The following RAP2A variants were observed in gnomAD, a reference collection of about 807,000 sequenced individuals.
RAP2A encodes RAP2A, member of RAS oncogene family.
A neutral mutation model predicts 15.1 loss-of-function variants in RAP2A; 5 were observed. The ratio of observed to expected loss-of-function variants is 0.33; its 90% CI spans 0.17 to 0.70. RAP2A has a LOEUF of 0.70. Among genes scored for constraint, RAP2A ranks in the 30% least tolerant of loss-of-function variants. The pLI is 0.68. For synonymous variants in RAP2A, 110 were observed against 99.7 expected (o/e 1.10, Z -0.62); for missense variants, 111 against 240.3 (o/e 0.46, Z 3.56).
chr13:97,445,078 T>C (rs1008712139), intron 1 of RAP2A, among the ~76,000 whole-genome samples: 23 of 152,322 alleles, frequency 1.5e-4, no homozygotes, highest in Admixed American at 1.5e-3. Flanking sequence ...ATCCCATTCA[T>C]GAGGGTGGAG....
intron 1 of RAP2A, among the ~76,000 whole-genome samples, chr13:97,439,271 T>C (rs1313903151): frequency 1.3e-5 from 2 of 152,182 alleles, no homozygotes; most frequent in African/African-American, 4.8e-5. Context: ...TATAGCAATA[T>C]GTAGTGATAT....
chr13:97,452,645 C>CT, intron 1 of RAP2A, among the ~76,000 whole-genome samples: 1 of 102,572 alleles, frequency 9.7e-6, no homozygotes, highest in Middle Eastern at 5.7e-3. Flanking sequence ...CACACACACA[C>CT]ACACGCACAC....
At chr13:97,446,426 TCA>T (rs756271834) in intron 1 of RAP2A, among the ~76,000 whole-genome samples, 1 of 152,200 alleles carries the variant, frequency 6.6e-6, no homozygotes, top group Non-Finnish European at 1.5e-5. Context: ...GAAATGTTGC[TCA>T]GTTTTGAAAG....
intron 1 of RAP2A, among the ~76,000 whole-genome samples, chr13:97,447,173 C>T (rs559720626): frequency 2.6e-5 from 4 of 152,242 alleles, no homozygotes; most frequent in Middle Eastern, 3.4e-3. Context: ...TTGATCTACC[C>T]GATGTCATTT....
intron 1 of RAP2A, among the ~76,000 whole-genome samples, chr13:97,450,705 T>A (rs2066698791): frequency 6.6e-6 from 1 of 152,148 alleles, no homozygotes; most frequent in African/African-American, 2.4e-5. Context: ...GTTTTTTACA[T>A]TTGGTTTCTA....
chr13:97,434,680 G>A lies in RAP2A; in HGVS notation c.210G>A (p.Leu70=), dbSNP rs2066625048. The A allele has an allele frequency of 1.9e-6, 3 of 1,614,156 alleles. No homozygotes were observed. The East Asian group carries it at 6.7e-5, about 36-fold the overall frequency. The change falls in exon 1 of 2, where the codon CTG becomes CTA. Residue 70 remains leucine, a synonymous_variant. Transcript: ENST00000245304. ...AGCAGTTCGCGTCCATGCGGGACCT[G>A]TACATCAAGAACGGCCAGGGCTTCA... is the stretch of plus-strand genomic sequence containing the variant. ...GTEQFASMRD[L]YIKNGQGFIL...
rs892867348 is a variant in RAP2A at position 97,464,728 on chromosome 13, G to T, written c.*286G>T. The T allele has an allele frequency of 2.7e-6, 1 of 376,652 alleles. No homozygotes were observed. Among genetic ancestry groups the T allele is most frequent in the Non-Finnish European group, 4.8e-6 (1 of 209,072 alleles). The allele number at this position is 376,652 out of a possible 1,614,324, so 23.3% of individuals were successfully genotyped here. A position where few individuals can be genotyped will look rare whatever the true frequency, so the allele number is the denominator to read the frequency against. On this transcript the variant is annotated 3_prime_UTR_variant, in exon 2 of 2. Transcript: ENST00000245304. ...CTCATTTGAAAGCTATGATGGCATT[G>T]TCGCTGAGTTGACAGAAGCAACTAT...
Position 97,442,874 on chromosome 13 carries a change from T to C in RAP2A, c.314+8090T>C, listed in dbSNP as rs191816702. 6.6e-5 allele frequency among the ~76,000 whole-genome samples: 10 copies of C among 152,340 alleles called. No individual in the cohort carries two copies. The East Asian group carries it at 1.7e-3, about 26-fold the overall frequency. Reference sequence around the variant, plus strand: ...ATACTACCTGTAATTCAGAGAAAGATAGCATTTAGTCACTGAACAAAAAGA... The same window carrying C: ...ATACTACCTGTAATTCAGAGAAAGACAGCATTTAGTCACTGAACAAAAAGA... On this transcript the variant is annotated intron_variant, in intron 1 of 1. Transcript: ENST00000245304.
Position 97,468,446 on chromosome 13 carries a change from A to G in RAP2A, c.*4004A>G, listed in dbSNP as rs925488231. The G allele has an allele frequency of 2.6e-5, 4 of 152,192 alleles. No homozygotes were observed. The highest frequency in any genetic ancestry group is 4.8e-5 in the African/African-American group (2 of 41,446). The allele number at this position is 152,192 out of a possible 1,614,324, so 9.4% of individuals were successfully genotyped here. ...AGGCTGTAGGGCCTGCTTGTTCTAT[A>G]TGGGGCCCTATGAAAGTTGACAGAT... is the stretch of plus-strand genomic sequence containing the variant. On this transcript the variant is annotated 3_prime_UTR_variant, in exon 2 of 2. Coordinates refer to ENST00000245304, the MANE Select transcript of RAP2A (RefSeq NM_021033.7).
rs1322828871 is a variant in RAP2A, at chr13:97,455,049, C to T, written c.315-9156C>T. 2.6e-5 allele frequency among the ~76,000 whole-genome samples: 4 copies of T among 150,978 alleles called. No individual in the cohort carries two copies. The East Asian group carries it at 7.7e-4, about 29-fold the overall frequency. ...GCTGCTTTCAAGATTTTATCTTTGT[C>T]TGTAGTTTCAAATGATTTGATTATA... On this transcript the variant is annotated intron_variant, in intron 1 of 1. Transcript: ENST00000245304.
At chr13:97,438,090 A>G (rs1335203467) in intron 1 of RAP2A, among the ~76,000 whole-genome samples, 1 of 152,228 alleles carries the variant, frequency 6.6e-6, no homozygotes, top group African/African-American at 2.4e-5. Context: ...CACACAAAGA[A>G]GAGTAACAGG....
At position 97,467,557 on chromosome 13, in the gene RAP2A, T is replaced by G. The variant is rs2066777542; in HGVS notation, c.*3115T>G. ...ATATGAAAGTGCTTTGTTTTGTTTG[T>G]TGCTGTTTTTTGTTTATGTGTGTGT... is the stretch of plus-strand genomic sequence containing the variant. On this transcript the variant is annotated 3_prime_UTR_variant, in exon 2 of 2. Transcript: ENST00000245304. 1 of 152,590 alleles carries G rather than the reference T, an allele frequency of 6.6e-6. No homozygotes were observed. Among genetic ancestry groups the G allele is most frequent in the Non-Finnish European group, 1.5e-5 (1 of 68,036 alleles). The allele number at this position is 152,590 out of a possible 1,614,324, so 9.5% of individuals were successfully genotyped here.
intron 1 of RAP2A, among the ~76,000 whole-genome samples, chr13:97,461,274 C>T (rs2066745030): frequency 1.3e-5 from 2 of 152,138 alleles, no homozygotes; most frequent in African/African-American, 2.4e-5. Flanking sequence ...AATTTATCAC[C>T]GTCTGGTATT....
chr13:97,454,289 T>C (rs2066713887), intron 1 of RAP2A, among the ~76,000 whole-genome samples: 1 of 151,258 alleles, frequency 6.6e-6, no homozygotes, highest in African/African-American at 2.4e-5. Flanking sequence ...TTTTTATTCA[T>C]GTGTTTAAAC....
Position 97,464,298 on chromosome 13 carries a change from A to G in RAP2A, c.408A>G (p.Glu136=), listed in dbSNP as rs752107994. ...VSSSEGRALA[E]EWGCPFMETS... Reference sequence around the variant, plus strand: ...CCAGCGAAGGCAGAGCCCTTGCTGAAGAGTGGGGCTGCCCCTTTATGGAAA... The same window carrying G: ...CCAGCGAAGGCAGAGCCCTTGCTGAGGAGTGGGGCTGCCCCTTTATGGAAA... The change falls in exon 2 of 2, where the codon GAA becomes GAG. Residue 136 remains glutamate (E), a synonymous_variant. Transcript: ENST00000245304. 5.6e-6 allele frequency: 9 copies of G among 1,614,234 alleles called. No homozygotes were observed. Among genetic ancestry groups the G allele is most frequent in the Middle Eastern group, 3.3e-4 (2 of 6,062 alleles).
chr13:97,435,757 A>G (rs1263786031), intron 1 of RAP2A, among the ~76,000 whole-genome samples: 1 of 152,180 alleles, frequency 6.6e-6, no homozygotes. Context: ...AAATTTTTCT[A>G]ATTATCATTT....
Position 97,455,973 on chromosome 13 carries a change from T to C in RAP2A, c.315-8232T>C, listed in dbSNP as rs74105472. On this transcript the variant is annotated intron_variant, in intron 1 of 1. Transcript: ENST00000245304. ...GGGAAGAGAAAAAGAGGAGGAAGTA[T>C]ACTGGGGATTTCTCCCACTCTCTTC... 1.9e-3 allele frequency among the ~76,000 whole-genome samples: 285 copies of C among 151,452 alleles called. 8 individuals are homozygous for C. Among genetic ancestry groups the C allele is most frequent in the African/African-American group, 6.6e-3 (270 of 41,116 alleles).
chr13:97,465,201 T>C lies in RAP2A; in HGVS notation c.*759T>C, dbSNP rs896839121. 1 of 152,578 alleles carries C rather than the reference T, an allele frequency of 6.6e-6. No homozygotes were observed. Among genetic ancestry groups the C allele is most frequent in the East Asian group, 1.9e-4 (1 of 5,202 alleles). The allele number at this position is 152,578 out of a possible 1,614,324, so 9.5% of individuals were successfully genotyped here. ...GAATTAAAACCCCAAACCCGCCCTC[T>C]GTTAGGGGTGGTCTTTATAACTTTA... On this transcript the variant is annotated 3_prime_UTR_variant, in exon 2 of 2. Transcript: ENST00000245304.
chr13:97,449,035 G>A (rs2066691269), intron 1 of RAP2A, among the ~76,000 whole-genome samples: 1 of 152,154 alleles, frequency 6.6e-6, no homozygotes, highest in South Asian at 2.1e-4. Context: ...CTTTAGCATA[G>A]TAAGTTGCAG....
Sources: gnomAD v4.1 joint callset for allele counts (sites outside exome capture counted in the v4.1 genomes callset) on GRCh38, gnomAD v4.1.1 for gene constraint, MANE v1.5 for transcripts, NCBI Gene and HGNC (gene_info 2026-07-23, HGNC 2026-07-21) for gene names.